MIB2: variants seen among roughly 807,000 people sequenced by gnomAD.
MIB2 encodes the protein MIB E3 ubiquitin protein ligase 2.
Under a neutral mutation model 96.6 loss-of-function variants are expected in MIB2, and 78 were observed. The observed-to-expected ratio is 0.81, with a 90% CI of 0.67 to 0.97. MIB2 has a LOEUF of 0.97. Among genes scored for constraint, MIB2 ranks in the 50% least tolerant of loss-of-function variants. The pLI, the probability that MIB2 is intolerant of heterozygous loss-of-function variation, is 0.00. For missense variants in MIB2, 1,543 were observed against 1,424.0 expected (o/e 1.08, Z -1.35); for synonymous variants, 820 against 629.5 (o/e 1.30, Z -4.53).
chr1:1,617,828 T>C (rs1643892076), intron 2 of MIB2: 1 of 152,246 alleles, frequency 6.6e-6, no homozygotes, highest in African/African-American at 2.4e-5. Context: ...GGGGTTCAGA[T>C]GCCAGCCAGG....
In MIB2 at chr1:1,628,023, C is replaced by G. The variant is rs1644975026; in HGVS notation, c.1685C>G (p.Ala562Gly). Reference sequence around the variant, plus strand: ...CCACTGACTCCGCCCCAGCAGGACGCCCACTCGGACACGCCCCTGCACTCC... The same window carrying G: ...CCACTGACTCCGCCCCAGCAGGACGGCCACTCGGACACGCCCCTGCACTCC... ...ERGCDVNLPD[A>G]HSDTPLHSAI... is the part of the protein sequence containing the mutation. Residue 562 changes from alanine to glycine, a missense_variant, in exon 14 of 20, where the codon GCC (alanine) becomes GGC (glycine). Physicochemically the swap from Ala to Gly is moderately conservative, Grantham distance 60 (BLOSUM62 0). Transcript: ENST00000355826. 6.2e-7 allele frequency: 1 copy of G among 1,612,470 alleles called. No individual in the cohort carries two copies. The highest frequency in any genetic ancestry group is 1.3e-5 in the African/African-American group (1 of 74,918).
chr1:1,630,428 G>T lies in MIB2; in HGVS notation c.2766G>T (p.Val922=). Residue 922 remains valine, a synonymous_variant, in exon 20 of 20, where the codon GTG becomes GTT. Coordinates refer to ENST00000355826, the MANE Select transcript of MIB2 (RefSeq NM_001170687.4). The part of the protein sequence containing the change: ...PICIDSHIRL[V]FQCGHGACAP... ...GCATCGACAGCCACATCCGCCTCGT[G>T]TTCCAGTGCGGCCACGGCGCATGCG... is the stretch of plus-strand genomic sequence containing the variant. 1 of 1,587,554 alleles carries T rather than the reference G, an allele frequency of 6.3e-7. No individual in the cohort carries two copies. Among genetic ancestry groups the T allele is most frequent in the Non-Finnish European group, 8.6e-7 (1 of 1,169,064 alleles).
At chr1:1,627,973 C>T (rs1409257905) in intron 13 of MIB2, 46 bp from the exon 14 acceptor site, 6 of 1,609,370 alleles carry the variant, frequency 3.7e-6, no homozygotes, top group Non-Finnish European at 5.1e-6. Context: ...GGCTCTTGAC[C>T]CAAGCAGAAG....
chr1:1,621,912 G>T (rs1004522807), intron 2 of MIB2, among the ~76,000 whole-genome samples: 26 of 152,256 alleles, frequency 1.7e-4, no homozygotes, highest in Non-Finnish European at 1.8e-4. Context: ...AACCTGTGGG[G>T]CTCAGGCCCC....
chr1:1,626,146 A>C lies in MIB2; in HGVS notation c.972+493A>C. The C allele has an allele frequency of 5.1e-6, 1 of 196,060 alleles. No homozygotes were observed. The allele number at this position is 196,060 out of a possible 1,614,324, so 12.1% of individuals were successfully genotyped here. On this transcript the variant is annotated intron_variant, in intron 8 of 19. Transcript: ENST00000355826. The surrounding 1 kb of genome is among the most constrained non-coding windows in gnomAD (Gnocchi z 5.3). ...GCCCTGGGAGGGGCAGGCCCGGGGC[A>C]AAGCGTCAGAGCTCAGCTCTGGATC...
At chr1:1,621,150 C>T (rs148242496) in intron 2 of MIB2, among the ~76,000 whole-genome samples, 269 of 152,366 alleles carry the variant, frequency 1.8e-3, no homozygotes, top group African/African-American at 6.2e-3. Flanking sequence ...CCAAACAGGA[C>T]GCAGCAGTGC....
In MIB2 at chr1:1,627,927, G is replaced by T. The variant is rs905825927; in HGVS notation, c.1681-92G>T. On this transcript the variant is annotated intron_variant, in intron 13 of 19. Coordinates refer to ENST00000355826, the MANE Select transcript of MIB2 (RefSeq NM_001170687.4). ...ATGTGTGCTGCTCCCTGGCCTGGGTGCCCCCTGCCCGTGAGTGCTGCTCCC... is the reference window on the plus strand; with the variant it reads ...ATGTGTGCTGCTCCCTGGCCTGGGTTCCCCCTGCCCGTGAGTGCTGCTCCC... 1.9e-6 allele frequency: 3 copies of T among 1,599,702 alleles called. No individual in the cohort carries two copies. In the East Asian group the frequency reaches 6.7e-5, roughly 36 times the overall value.
In MIB2 at chr1:1,623,890, A is replaced by G. The variant is rs1401426064; in HGVS notation, c.364A>G (p.Asn122Asp). 3 of 1,612,034 alleles carry G rather than the reference A, an allele frequency of 1.9e-6. No individual in the cohort carries two copies. In the African/African-American group the frequency reaches 4.0e-5, roughly 22 times the overall value. ...YDLCTQCYMHNKHELAHAFDR... is the reference protein window; with the variant it reads ...YDLCTQCYMHDKHELAHAFDR... ...CCTCTGCACGCAGTGCTACATGCAC[A>G]ACAAGCATGAGCTCGCCCACGCCTT... is the stretch of plus-strand genomic sequence containing the variant. Residue 122 changes from asparagine (N) to aspartate (D), a missense_variant, in exon 4 of 20, where the codon AAC (asparagine) becomes GAC (aspartate). Physicochemically the swap from Asn to Asp is conservative, Grantham distance 23. Transcript: ENST00000355826.
Position 1,625,460 on chromosome 1 carries a change from C to T in MIB2, c.864+32C>T. 1 of 1,560,954 alleles carries T rather than the reference C, an allele frequency of 6.4e-7. No individual in the cohort carries two copies. On this transcript the variant is annotated intron_variant, in intron 7 of 19. Coordinates refer to ENST00000355826, the MANE Select transcript of MIB2 (RefSeq NM_001170687.4). This position sits in a 1 kb window ranked among gnomAD's most constrained non-coding sequence, Gnocchi z 5.0. Reference sequence around the variant, plus strand: ...CGCCCCGCCGTGGAGCCCTGTGTGCCCTGCCCTCCCAGCCCTCCGCCCCCT... The same window carrying T: ...CGCCCCGCCGTGGAGCCCTGTGTGCTCTGCCCTCCCAGCCCTCCGCCCCCT...
intron 2 of MIB2, chr1:1,623,162 G>C: frequency 1.9e-6 from 1 of 528,320 alleles, no homozygotes. Context: ...TGAAGCCCCC[G>C]GGGCCAGGCT....
intron 1 of MIB2, 26 bp from the exon 2 acceptor site, chr1:1,616,482 A>G (rs1643699546): frequency 6.6e-7 from 1 of 1,506,550 alleles, no homozygotes; most frequent in Non-Finnish European, 9.0e-7. Flanking sequence ...CTAACTGTGC[A>G]TCTTGGCATC....
chr1:1,617,809 G>A (rs1004310801), intron 2 of MIB2: 1 of 152,252 alleles, frequency 6.6e-6, no homozygotes, highest in African/African-American at 2.4e-5. Context: ...GGGAGCAGTT[G>A]CCTGCAGCGG....
intron 1 of MIB2, chr1:1,616,023 A>G: frequency 2.0e-6 from 2 of 984,568 alleles, no homozygotes; most frequent in Non-Finnish European, 2.4e-6. Context: ...ACAGACCGAC[A>G]GACGGACTGG....
Position 1,625,134 on chromosome 1 carries a change from G to T in MIB2, c.670G>T (p.Val224Leu). The change falls in exon 6 of 20, where the codon GTG becomes TTG. Residue 224 changes from valine (V) to leucine (L), a missense_variant. Coordinates refer to ENST00000355826, the MANE Select transcript of MIB2 (RefSeq NM_001170687.4). This position sits in a 1 kb window ranked among gnomAD's most constrained non-coding sequence, Gnocchi z 5.0. ...GHKGKVDLKC[V>L]GEAAGGFYYK... ...CAAGGGCAAGGTGGACCTCAAGTGT[G>T]TGGGCGAGGCAGCGGGCGGCTTCTA... 1.2e-6 allele frequency: 2 copies of T among 1,613,154 alleles called. No individual in the cohort carries two copies. The highest frequency in any genetic ancestry group is 1.7e-6 in the Non-Finnish European group (2 of 1,179,812).
chr1:1,621,376 G>T (rs1362331951), intron 2 of MIB2, among the ~76,000 whole-genome samples: 1 of 152,266 alleles, frequency 6.6e-6, no homozygotes, highest in Admixed American at 6.5e-5. Context: ...GGCAGAGCCA[G>T]CTGCCTTCCC....
At position 1,626,443 on chromosome 1, in the gene MIB2, T is replaced by C; in HGVS notation, c.973-207T>C. ...TCTGCCTGGACACTCCTCCCATGGCTCTGGGGCTAGGGACACCCAGGGCTG... is the reference window on the plus strand; with the variant it reads ...TCTGCCTGGACACTCCTCCCATGGCCCTGGGGCTAGGGACACCCAGGGCTG... On this transcript the variant is annotated intron_variant, in intron 8 of 19. Transcript: ENST00000355826. This position sits in a 1 kb window ranked among gnomAD's most constrained non-coding sequence, Gnocchi z 5.3. 3.6e-6 allele frequency: 2 copies of C among 558,446 alleles called. No individual in the cohort carries two copies. Among genetic ancestry groups the C allele is most frequent in the Non-Finnish European group, 6.3e-6 (2 of 317,846 alleles). 34.6% of individuals were successfully genotyped at this position (558,446 alleles called of 1,614,324 possible). A position where few individuals can be genotyped will look rare whatever the true frequency, so the allele number is the denominator to read the frequency against.
In MIB2 at chr1:1,628,659, G is replaced by C. The variant is rs780330229; in HGVS notation, c.2139G>C (p.Gln713His). ...TALHVALQRH[Q>H]LLPLVADGAG... ...TGCACGTGGCGCTGCAGCGTCATCA[G>C]CTGCTGCCCCTGGTGGCTGATGGGG... The change falls in exon 16 of 20, where the codon CAG becomes CAC. Residue 713 changes from glutamine to histidine, a missense_variant. Gln to His is a conservative substitution (Grantham distance 24, BLOSUM62 0). Coordinates refer to ENST00000355826, the MANE Select transcript of MIB2 (RefSeq NM_001170687.4). The C allele has an allele frequency of 1.3e-6, 2 of 1,589,170 alleles. No homozygotes were observed. Among genetic ancestry groups the C allele is most frequent in the Middle Eastern group, 2.2e-4 (1 of 4,574 alleles).
chr1:1,621,200 T>C (rs1205909740), intron 2 of MIB2, among the ~76,000 whole-genome samples: 3 of 152,172 alleles, frequency 2.0e-5, no homozygotes, highest in South Asian at 2.1e-4. Context: ...GCGAGGGGAA[T>C]AGTGCCACAG....
At position 1,619,636 on chromosome 1, in the gene MIB2, G is replaced by A. The variant is rs1412682265; in HGVS notation, c.-23+3022G>A. On this transcript the variant is annotated intron_variant, in intron 2 of 19. Transcript: ENST00000355826. The stretch of plus-strand genomic sequence containing the variant: ...CAGGGGAGGCCTTGAGGAGGCGCCG[G>A]GTCTACAGGCCCCTGTGTGCTCACA... 1.4e-4 allele frequency among the ~76,000 whole-genome samples: 22 copies of A among 152,306 alleles called. No individual in the cohort carries two copies. The East Asian group carries it at 3.7e-3, about 25-fold the overall frequency.
Sources: gnomAD v4.1 joint callset for allele counts (sites outside exome capture counted in the v4.1 genomes callset) on GRCh38, gnomAD v4.1.1 for gene constraint, Gnocchi (gnomAD v3.1) non-coding constraint, MANE v1.5 for transcripts, NCBI Gene and HGNC (gene_info 2026-07-23, HGNC 2026-07-21) for gene names.